The following FRMPD4 variants were observed in gnomAD, a reference collection of about 807,000 sequenced individuals.
FRMPD4 encodes FERM and PDZ domain-containing protein 4.
In FRMPD4, 22 loss-of-function variants were observed where a neutral mutation model predicts 94.1. The ratio of observed to expected loss-of-function variants is 0.23; its 90% CI spans 0.17 to 0.33. FRMPD4 has a LOEUF of 0.33. Ranked by LOEUF, FRMPD4 falls within the 10% of genes least tolerant of loss-of-function variation. The pLI is 1.00. For missense variants in FRMPD4, 1,111 were observed against 1,339.9 expected (o/e 0.83, Z 2.67); for synonymous variants, 631 against 548.6 (o/e 1.15, Z -2.10).
chrX:12,139,930 C>T (rs1372773234), intron 1 of FRMPD4, among the ~76,000 whole-genome samples: 2 of 111,968 alleles, frequency 1.8e-5, no homozygotes, highest in African/African-American at 6.5e-5. Flanking sequence ...TTGGGTTTTT[C>T]CAGGATGTAG....
intron 1 of FRMPD4, among the ~76,000 whole-genome samples, chrX:12,225,053 T>G (rs2056907901): frequency 9.0e-6 from 1 of 111,718 alleles, no homozygotes; most frequent in Admixed American, 9.5e-5. Flanking sequence ...CATTTCTTAT[T>G]TCTTAAAGAT....
intron 2 of FRMPD4, among the ~76,000 whole-genome samples, chrX:12,605,691 C>T (rs1435495493): frequency 9.0e-6 from 1 of 111,161 alleles, no homozygotes; most frequent in Admixed American, 9.6e-5. Context: ...GGCAGGTTCA[C>T]GTCAGGCACG....
chrX:12,166,587 C>T (rs1472214755), intron 1 of FRMPD4, among the ~76,000 whole-genome samples: 1 of 111,466 alleles, frequency 9.0e-6, no homozygotes, highest in Non-Finnish European at 1.9e-5. Context: ...GGGAGGATTC[C>T]ATCTTTTTCT....
intron 3 of FRMPD4, among the ~76,000 whole-genome samples, chrX:12,045,716 A>T: frequency 9.0e-6 from 1 of 111,724 alleles, no homozygotes. Flanking sequence ...AGCAAGAGAA[A>T]AAATGAACTC....
chrX:12,182,623 T>A (rs1330423724), intron 1 of FRMPD4, among the ~76,000 whole-genome samples: 1 of 110,078 alleles, frequency 9.1e-6, no homozygotes, highest in East Asian at 2.9e-4. Flanking sequence ...TGGCCCTGCT[T>A]TGGAACCAGC....
chrX:11,957,275 G>A (rs1183055600), intron 3 of FRMPD4, among the ~76,000 whole-genome samples: 3 of 111,991 alleles, frequency 2.7e-5, no homozygotes, highest in African/African-American at 9.7e-5. Context: ...GAAGTAATGA[G>A]AACCAAGTGC....
intron 4 of FRMPD4, among the ~76,000 whole-genome samples, chrX:12,670,410 C>T (rs2059828265): frequency 8.9e-6 from 1 of 111,854 alleles, no homozygotes; most frequent in African/African-American, 3.3e-5. Flanking sequence ...ACCAATGCAA[C>T]AGAACAGAGG....
chrX:12,167,040 G>A (rs1479345289), intron 1 of FRMPD4, among the ~76,000 whole-genome samples: 3 of 111,194 alleles, frequency 2.7e-5, no homozygotes, highest in Non-Finnish European at 3.8e-5. Context: ...GGTTTTTTGT[G>A]TCTCTATTTC....
intron 16 of FRMPD4, among the ~76,000 whole-genome samples, chrX:12,720,126 G>T (rs1385208061): frequency 9.0e-6 from 1 of 111,428 alleles, no homozygotes; most frequent in African/African-American, 3.3e-5. Flanking sequence ...GAAAAGAAAA[G>T]TAACAATGCC....
intron 3 of FRMPD4, among the ~76,000 whole-genome samples, chrX:11,990,184 T>C (rs1254344791): frequency 1.8e-5 from 2 of 112,262 alleles, no homozygotes; most frequent in Admixed American, 1.9e-4. Context: ...TAAAACATGA[T>C]GCTAAGTTAA....
At chrX:11,871,381 T>C (rs1407979778) in intron 2 of FRMPD4, among the ~76,000 whole-genome samples, 1 of 112,379 alleles carries the variant, frequency 8.9e-6, no homozygotes, top group Non-Finnish European at 1.9e-5. Context: ...TCTAGTAGCA[T>C]GCACATTAAT....
intron 1 of FRMPD4, among the ~76,000 whole-genome samples, chrX:12,303,943 G>A (rs906887529): frequency 1.3e-4 from 14 of 111,814 alleles, no homozygotes; most frequent in East Asian, 8.4e-4. Context: ...TAAGATGGAC[G>A]TGTCCAAGTT....
intron 1 of FRMPD4, among the ~76,000 whole-genome samples, chrX:12,223,804 C>T (rs919337227): frequency 8.9e-6 from 1 of 112,037 alleles, no homozygotes; most frequent in Non-Finnish European, 1.9e-5. Context: ...TGATGACTAA[C>T]GATGATGAGC....
Position 12,710,428 on chromosome X carries a change from T to G in FRMPD4, c.1500T>G (p.Asp500Glu). 1 of 1,203,867 alleles carries G rather than the reference T, an allele frequency of 8.3e-7. No individual in the cohort carries two copies. The highest frequency in any genetic ancestry group is 1.8e-5 in the South Asian group (1 of 56,739). Residue 500 changes from aspartate to glutamate, a missense_variant, in exon 14 of 17, where the codon GAT (aspartate) becomes GAG (glutamate). Coordinates refer to ENST00000675598, the MANE Select transcript of FRMPD4 (RefSeq NM_001368397.1). ...TCACGCTTCTGATGGAATCCTCAGA[T>G]GCCATGAACCTGGCCTGCTTGACGG... Reference protein sequence around the residue: ...KPITLLMESSDAMNLACLTAG... With the variant: ...KPITLLMESSEAMNLACLTAG...
intron 3 of FRMPD4, among the ~76,000 whole-genome samples, chrX:11,971,058 C>T (rs752948944): frequency 2.7e-5 from 3 of 112,089 alleles, no homozygotes; most frequent in Non-Finnish European, 5.6e-5. Flanking sequence ...TTCTACTGGG[C>T]GTCCTACATT....
chrX:12,246,810 T>C (rs1262243045), intron 1 of FRMPD4, among the ~76,000 whole-genome samples: 1 of 111,223 alleles, frequency 9.0e-6, no homozygotes, highest in Non-Finnish European at 1.9e-5. Context: ...TCACTTTCCA[T>C]TAACGTGATG....
chrX:12,342,197 A>G (rs2055625831), intron 1 of FRMPD4, among the ~76,000 whole-genome samples: 1 of 112,101 alleles, frequency 8.9e-6, no homozygotes, highest in Admixed American at 9.5e-5. Flanking sequence ...ATAAAATAAC[A>G]GTTGTCTCTA....
At chrX:12,388,359 C>A (rs1838182927) in intron 1 of FRMPD4, among the ~76,000 whole-genome samples, 1 of 112,026 alleles carries the variant, frequency 8.9e-6, no homozygotes, top group Admixed American at 9.4e-5. Context: ...GTAATCCCAG[C>A]ACTTTGGGAG....
intron 1 of FRMPD4, among the ~76,000 whole-genome samples, chrX:12,449,392 T>C (rs1387114680): frequency 8.9e-6 from 1 of 112,078 alleles, no homozygotes; most frequent in Non-Finnish European, 1.9e-5. Context: ...CAAATTGCTT[T>C]GGAAGCTGAG....
Sources: allele counts gnomAD v4.1 joint callset (sites outside exome capture counted in the v4.1 genomes callset), GRCh38; gene constraint gnomAD v4.1.1; transcripts MANE v1.5; gene names NCBI Gene and HGNC (gene_info 2026-07-23, HGNC 2026-07-21).